The following MRPL44 variants were observed in gnomAD, a reference collection of about 807,000 sequenced individuals.
MRPL44 encodes the protein mitochondrial ribosomal protein L44.
MRPL44 carries 21 observed loss-of-function variants against 25.9 expected under a neutral mutation model. The ratio of observed to expected loss-of-function variants is 0.81; its 90% CI spans 0.58 to 1.17. The LOEUF is 1.17. Among genes scored for constraint, MRPL44 ranks in the 50% most tolerant of loss-of-function variants. The pLI, the probability that MRPL44 is intolerant of heterozygous loss-of-function variation, is 0.00. For synonymous variants in MRPL44, 169 were observed against 151.0 expected, an observed-to-expected ratio of 1.12 and a Z score of -0.87; for missense variants, 410 against 398.9, an observed-to-expected ratio of 1.03 and a Z score of -0.24.
chr2:223,955,679 C>T (rs1278623196), upstream of MRPL44, among the ~76,000 whole-genome samples: 4 of 152,142 alleles, frequency 2.6e-5, no homozygotes, highest in Non-Finnish European at 5.9e-5. Flanking sequence ...CTGACCTTAA[C>T]CCAATGAAAA....
rs1138616 is a variant in MRPL44 at position 223,967,419 on chromosome 2, C to G, written c.*385C>G. ...GGCTAATTTTTGTATTTTTGGTAGA[C>G]ATGGGGTTTCACCAAGTTGGCTAGG... On this transcript the variant is annotated 3_prime_UTR_variant, in exon 4 of 4. Transcript: ENST00000258383. The G allele has an allele frequency of 0.45, 71,012 of 159,274 alleles. 15,828 individuals carry two copies. Among genetic ancestry groups the G allele is most frequent in the African/African-American group, 0.49 (20,267 of 41,482 alleles). The allele number at this position is 159,274 out of a possible 1,614,324, so 9.9% of individuals were successfully genotyped here. A position where few individuals can be genotyped will look rare whatever the true frequency, so the allele number is the denominator to read the frequency against.
intron 2 of MRPL44, among the ~76,000 whole-genome samples, chr2:223,961,715 C>T (rs1399542740): frequency 6.6e-6 from 1 of 152,210 alleles, no homozygotes; most frequent in Non-Finnish European, 1.5e-5. Flanking sequence ...TTTCTTCATA[C>T]TGCTTCCCTA....
chr2:223,957,251 GA>G (rs1689577141), upstream of MRPL44, among the ~76,000 whole-genome samples: 1 of 152,138 alleles, frequency 6.6e-6, no homozygotes, highest in African/African-American at 2.4e-5. Context: ...AAAGTAACTC[GA>G]AGAGAGGAGA....
chr2:223,957,272 C>G, upstream of MRPL44: 6 of 627,268 alleles, frequency 9.6e-6, no homozygotes, highest in South Asian at 9.6e-5. Flanking sequence ...AGAACTAGCG[C>G]AAGCGTAGCC....
At chr2:223,956,868 G>A (rs1057159224), upstream of MRPL44, among the ~76,000 whole-genome samples, 6 of 152,094 alleles carry the variant, frequency 3.9e-5, no homozygotes, top group East Asian at 7.7e-4. Context: ...CCCTATTACC[G>A]TTTTATGTTT....
At chr2:223,963,650 T>C (rs1689698308) in intron 2 of MRPL44, 106 bp from the exon 3 acceptor site, 1 of 647,964 alleles carries the variant, frequency 1.5e-6, no homozygotes, top group Non-Finnish European at 2.3e-6. Context: ...CTGTTAAAAA[T>C]GTACTCTGTG....
rs773484397 is a variant in MRPL44, at chr2:223,966,974, G to A, written c.939G>A (p.Pro313=). 12 of 1,613,938 alleles carry A rather than the reference G, an allele frequency of 7.4e-6. No individual in the cohort carries two copies. The highest frequency in any genetic ancestry group is 2.7e-5 in the African/African-American group (2 of 74,910). The change falls in exon 4 of 4, where the codon CCG becomes CCA. Residue 313 remains proline, a synonymous_variant. Transcript: ENST00000258383. ...KLYGFTENRR[P]WNYSKPKETL... ...ATGGATTCACAGAAAATAGACGGCC[G>A]TGGAACTATTCCAAGCCCAAAGAAA...
Position 223,957,489 on chromosome 2 carries a change from T to G in MRPL44, c.17T>G (p.Val6Gly). Residue 6 changes from valine to glycine, a missense_variant, in exon 1 of 4, where the codon GTA becomes GGA. Physicochemically the swap from Val to Gly is moderately radical, Grantham distance 109 (BLOSUM62 -3). Coordinates refer to ENST00000258383, the MANE Select transcript of MRPL44 (RefSeq NM_022915.5). ...TCTCGTGCAATGGCGTCCGGGCTGG[T>G]AAGATTGCTGCAGCAGGGACATCGC... MASGL[V>G]RLLQQGHRCL... 6.2e-7 allele frequency: 1 copy of G among 1,614,140 alleles called. No homozygotes were observed. The highest frequency in any genetic ancestry group is 8.5e-7 in the Non-Finnish European group (1 of 1,180,006).
Position 223,967,007 on chromosome 2 carries a change from A to G in MRPL44, c.972A>G (p.Arg324=). ...ATTCCAAGCCCAAAGAAACCTTGAG[A>G]GCAGAAAAGAGCATCACTGCCAGCT... ...WNYSKPKETL[R]AEKSITAS The change falls in exon 4 of 4, where the codon AGA becomes AGG. Residue 324 remains arginine (R), a synonymous_variant. Coordinates refer to ENST00000258383, the MANE Select transcript of MRPL44 (RefSeq NM_022915.5). The G allele has an allele frequency of 1.2e-6, 2 of 1,613,050 alleles. No homozygotes were observed. Among genetic ancestry groups the G allele is most frequent in the African/African-American group, 2.7e-5 (2 of 74,968 alleles).
chr2:223,957,498 T>C lies in MRPL44; in HGVS notation c.26T>C (p.Leu9Pro), dbSNP rs1221764676. 1.2e-6 allele frequency: 2 copies of C among 1,614,068 alleles called. No homozygotes were observed. The highest frequency in any genetic ancestry group is 1.3e-5 in the African/African-American group (1 of 74,944). The change falls in exon 1 of 4, where the codon CTG becomes CCG. Residue 9 changes from leucine (L) to proline (P), a missense_variant. Physicochemically the swap from Leu to Pro is moderately conservative, Grantham distance 98 (BLOSUM62 -3). Coordinates refer to ENST00000258383, the MANE Select transcript of MRPL44 (RefSeq NM_022915.5). MASGLVRL[L>P]QQGHRCLLAP... Reference sequence around the variant, plus strand: ...ATGGCGTCCGGGCTGGTAAGATTGCTGCAGCAGGGACATCGCTGCCTCCTG... The same window carrying C: ...ATGGCGTCCGGGCTGGTAAGATTGCCGCAGCAGGGACATCGCTGCCTCCTG...
chr2:223,952,111 G>A, the MRPL44 span, among the ~76,000 whole-genome samples: 10 of 152,298 alleles, frequency 6.6e-5, no homozygotes, highest in African/African-American at 2.2e-4. Context: ...TGCTTGGTCT[G>A]TATTGCAGGG....
chr2:223,963,994 C>A, intron 3 of MRPL44, 60 bp downstream of exon 3: 2 of 1,389,756 alleles, frequency 1.4e-6, no homozygotes, highest in South Asian at 1.3e-5. Flanking sequence ...ACAGACTCCT[C>A]ACAAAGCCTT....
chr2:223,963,898 C>G lies in MRPL44; in HGVS notation c.791C>G (p.Thr264Ser), dbSNP rs141166571. Reference sequence around the variant, plus strand: ...AGACTTACTAGGCAGTCTGGTGGCACCACAGCTTTGCCTTTGTATTTTGTT... The same window carrying G: ...AGACTTACTAGGCAGTCTGGTGGCAGCACAGCTTTGCCTTTGTATTTTGTT... ...ESRLTRQSGG[T>S]TALPLYFVGL... The change falls in exon 3 of 4, where the codon ACC becomes AGC. Residue 264 changes from threonine (T) to serine (S), a missense_variant. Transcript: ENST00000258383. 8.5e-5 allele frequency: 137 copies of G among 1,613,512 alleles called. 2 individuals are homozygous for G. In the Middle Eastern group the frequency reaches 4.3e-3, roughly 51 times the overall value.
At chr2:223,966,656 G>A (rs1559186393) in intron 3 of MRPL44, among the ~76,000 whole-genome samples, 2 of 152,290 alleles carry the variant, frequency 1.3e-5, no homozygotes, top group Non-Finnish European at 2.9e-5. Context: ...CTAAGGAAAC[G>A]TAAGTGTATC....
intron 2 of MRPL44, among the ~76,000 whole-genome samples, chr2:223,963,240 C>T (rs569590043): frequency 3.3e-5 from 5 of 152,056 alleles, no homozygotes; most frequent in African/African-American, 9.6e-5. Context: ...GGCCAGGAGT[C>T]GAGACTAGGC....
At chr2:223,964,150 G>C (rs1441178780) in intron 3 of MRPL44, among the ~76,000 whole-genome samples, 2 of 152,150 alleles carry the variant, frequency 1.3e-5, no homozygotes, top group Admixed American at 1.3e-4. Flanking sequence ...GTTATGCTTA[G>C]GAAGAATCTG....
chr2:223,952,921 CTTAAAT>C (rs950125559), upstream of MRPL44, among the ~76,000 whole-genome samples: 5 of 152,040 alleles, frequency 3.3e-5, 1 homozygote, highest in African/African-American at 1.2e-4. Flanking sequence ...CAGTTAAACT[CTTAAAT>C]TTAATTTGTC....
intron 2 of MRPL44, among the ~76,000 whole-genome samples, chr2:223,963,235 G>A (rs565788302): frequency 1.3e-5 from 2 of 152,238 alleles, no homozygotes; most frequent in African/African-American, 4.8e-5. Flanking sequence ...TTTGAGGCCA[G>A]GAGTCGAGAC....
chr2:223,960,780 A>G lies in MRPL44; in HGVS notation c.648+778A>G, dbSNP rs540537822. On this transcript the variant is annotated intron_variant, in intron 2 of 3. Transcript: ENST00000258383. ...TTTCTCCCCCCAGTTAGTTTTTTCT[A>G]TAGAAATTCTGACAAAGTCCTTTTT... is the stretch of plus-strand genomic sequence containing the variant. Among the ~76,000 whole-genome samples, 4 of 152,332 alleles carry G rather than the reference A, an allele frequency of 2.6e-5. No individual in the cohort carries two copies. The East Asian group carries it at 5.8e-4, about 22-fold the overall frequency.
Sources: gnomAD v4.1 joint callset for allele counts (sites outside exome capture counted in the v4.1 genomes callset) on GRCh38, gnomAD v4.1.1 for gene constraint, MANE v1.5 for transcripts, NCBI Gene and HGNC (gene_info 2026-07-23, HGNC 2026-07-21) for gene names.